KHDRBS2: variants seen among roughly 807,000 people sequenced by gnomAD.
KHDRBS2 encodes the protein KH domain-containing, RNA-binding, signal transduction-associated protein 2.
KHDRBS2 carries 26 observed loss-of-function variants against 44.3 expected under a neutral mutation model. The ratio of observed to expected loss-of-function variants is 0.59; its 90% CI spans 0.43 to 0.81. KHDRBS2 has a LOEUF of 0.81. KHDRBS2 is among the 40% of genes least tolerant of loss of function. The pLI, the probability that KHDRBS2 is intolerant of heterozygous loss-of-function variation, is 0.00. For synonymous variants in KHDRBS2, 194 were observed against 151.1 expected (o/e 1.28, Z -2.08); for missense variants, 476 against 433.1 (o/e 1.10, Z -0.88).
intron 4 of KHDRBS2, among the ~76,000 whole-genome samples, chr6:61,941,195 G>A (rs1441184672): frequency 6.6e-6 from 1 of 152,136 alleles, no homozygotes; most frequent in African/African-American, 2.4e-5. Context: ...TTCTCCAGGG[G>A]GACCTGAGGT....
At chr6:62,252,015 G>A (rs978647247) in intron 1 of KHDRBS2, among the ~76,000 whole-genome samples, 1 of 151,730 alleles carries the variant, frequency 6.6e-6, no homozygotes, top group Admixed American at 6.6e-5. Flanking sequence ...AGCTTCCCTA[G>A]GAGGAGGAGA....
chr6:61,905,686 A>T (rs1207715951), intron 4 of KHDRBS2, among the ~76,000 whole-genome samples: 2 of 152,160 alleles, frequency 1.3e-5, no homozygotes, highest in Non-Finnish European at 2.9e-5. Flanking sequence ...TTTATATCAC[A>T]GAAAATAGTT....
At chr6:61,975,573 CTAA>C (rs1772426113) in intron 4 of KHDRBS2, among the ~76,000 whole-genome samples, 1 of 151,172 alleles carries the variant, frequency 6.6e-6, no homozygotes, top group Non-Finnish European at 1.5e-5. Context: ...GGAAAATTTA[CTAA>C]TAAAACATTG....
chr6:61,955,217 T>TAC (rs1491499357), intron 4 of KHDRBS2, among the ~76,000 whole-genome samples: 2 of 139,414 alleles, frequency 1.4e-5, no homozygotes, highest in African/African-American at 5.2e-5. Context: ...TGTATACATA[T>TAC]GTGTATATAT....
intron 8 of KHDRBS2, among the ~76,000 whole-genome samples, chr6:61,692,501 A>T (rs1269154089): frequency 1.3e-5 from 2 of 152,040 alleles, no homozygotes; most frequent in African/African-American, 2.4e-5. Context: ...ATTTGCAAAG[A>T]TCCTGAATAA....
intron 6 of KHDRBS2, among the ~76,000 whole-genome samples, chr6:61,843,539 A>AT (rs1183094196): frequency 6.6e-6 from 1 of 150,954 alleles, no homozygotes; most frequent in Non-Finnish European, 1.5e-5. Context: ...TAATTTTTGT[A>AT]TTTTTTTAGT....
the KHDRBS2 span, among the ~76,000 whole-genome samples, chr6:61,633,318 G>A: frequency 2.6e-5 from 4 of 152,084 alleles, no homozygotes; most frequent in African/African-American, 9.6e-5. Context: ...TCAAAATATG[G>A]GAAGTATTTG....
intron 1 of KHDRBS2, among the ~76,000 whole-genome samples, chr6:62,278,886 A>G (rs1459310442): frequency 6.6e-6 from 1 of 151,966 alleles, no homozygotes; most frequent in African/African-American, 2.4e-5. Flanking sequence ...CGAGGTCAGG[A>G]GATTGAGACC....
chr6:61,993,883 G>T (rs1776671001), intron 3 of KHDRBS2, among the ~76,000 whole-genome samples: 1 of 151,572 alleles, frequency 6.6e-6, no homozygotes, highest in African/African-American at 2.4e-5. Context: ...AAGATTTTTT[G>T]ACTATACCAG....
intron 6 of KHDRBS2, among the ~76,000 whole-genome samples, chr6:61,845,316 T>G (rs947339691): frequency 8.6e-5 from 13 of 150,634 alleles, no homozygotes; most frequent in African/African-American, 2.7e-4. Flanking sequence ...CTTGTTTTTT[T>G]TTTTTTTTTT....
chr6:61,955,170 G>T (rs143547695), intron 4 of KHDRBS2, among the ~76,000 whole-genome samples: 1 of 142,962 alleles, frequency 7.0e-6, no homozygotes, highest in African/African-American at 2.5e-5. Flanking sequence ...GTATACATAT[G>T]TGTATATACA....
intron 2 of KHDRBS2, among the ~76,000 whole-genome samples, chr6:62,113,698 T>G (rs1441145717): frequency 6.6e-6 from 1 of 152,158 alleles, no homozygotes; most frequent in Non-Finnish European, 1.5e-5. Context: ...TATTTGCTAT[T>G]TATCAGAAGA....
chr6:61,966,080 A>T (rs1158221521), intron 4 of KHDRBS2, among the ~76,000 whole-genome samples: 1 of 151,910 alleles, frequency 6.6e-6, no homozygotes, highest in Non-Finnish European at 1.5e-5. Flanking sequence ...GGGGAAAATA[A>T]ATCTCTGGAT....
At chr6:61,591,473 T>C in the KHDRBS2 span, among the ~76,000 whole-genome samples, 9 of 152,300 alleles carry the variant, frequency 5.9e-5, no homozygotes, top group South Asian at 1.0e-3. Flanking sequence ...TGAATACTTC[T>C]GAGGTAGTGA....
the KHDRBS2 span, among the ~76,000 whole-genome samples, chr6:61,560,231 A>T: frequency 6.6e-6 from 1 of 152,126 alleles, no homozygotes; most frequent in African/African-American, 2.4e-5. Context: ...AAAATCAACG[A>T]TCCTTTCTTT....
intron 6 of KHDRBS2, among the ~76,000 whole-genome samples, chr6:61,824,454 C>T (rs146872561): frequency 6.6e-6 from 1 of 152,024 alleles, no homozygotes; most frequent in African/African-American, 2.4e-5. Flanking sequence ...TTCCTAAGGC[C>T]TCCCAGCCAT....
At chr6:61,834,820 C>G (rs996044906) in intron 6 of KHDRBS2, among the ~76,000 whole-genome samples, 2 of 151,994 alleles carry the variant, frequency 1.3e-5, no homozygotes, top group African/African-American at 4.8e-5. Context: ...AAGTCTATGT[C>G]TACTTACAAT....
chr6:61,930,565 A>AAAAAAAAAAAAAAAAAAAAAAAAC, intron 4 of KHDRBS2, among the ~76,000 whole-genome samples: 1 of 129,418 alleles, frequency 7.7e-6, no homozygotes, highest in East Asian at 2.3e-4. Flanking sequence ...AAAAAAAAAA[A>AAAAAAAAAAAAAAAAAAAAAAAAC]AAGGCTAGTC....
At chr6:61,974,960 A>G (rs1290733212) in intron 4 of KHDRBS2, among the ~76,000 whole-genome samples, 1 of 150,508 alleles carries the variant, frequency 6.6e-6, no homozygotes, top group Non-Finnish European at 1.5e-5. Context: ...AAATAAATAA[A>G]TAAATAAATA....
Sources: gnomAD v4.1 joint callset for allele counts (sites outside exome capture counted in the v4.1 genomes callset) on GRCh38, gnomAD v4.1.1 for gene constraint, MANE v1.5 for transcripts, NCBI Gene and HGNC (gene_info 2026-07-23, HGNC 2026-07-21) for gene names.